ATP6V0A4: variants seen among roughly 807,000 people sequenced by gnomAD.
The protein encoded by ATP6V0A4 is ATPase H+ transporting V0 subunit a4, also known as V-type proton ATPase 116 kDa subunit a 4.
A neutral mutation model predicts 107.3 loss-of-function variants in ATP6V0A4; 86 were observed. The ratio of observed to expected loss-of-function variants is 0.80; its 90% CI spans 0.67 to 0.96. The LOEUF is 0.96. ATP6V0A4 is among the 40% of genes least tolerant of loss of function. The pLI, the probability that ATP6V0A4 is intolerant of heterozygous loss-of-function variation, is 0.00. For synonymous variants in ATP6V0A4, 353 were observed against 381.4 expected, an observed-to-expected ratio of 0.93 and a Z score of 0.87; for missense variants, 908 against 1,045.6, an observed-to-expected ratio of 0.87 and a Z score of 1.81.
Position 138,755,741 on chromosome 7 carries a change from T to C in ATP6V0A4, c.764A>G (p.Glu255Gly), listed in dbSNP as rs1584929673. Reference protein sequence around the residue: ...TVYPCPEPAVERREMLESVNV... With the variant: ...TVYPCPEPAVGRREMLESVNV... ...GACGCTCTCCAACATCTCTCTGCGC[T>C]CCACCGCAGGCTCTGGGCAAGGGTA... The change falls in exon 10 of 22, where the codon GAG becomes GGG. Residue 255 changes from glutamate to glycine, a missense_variant. Physicochemically the swap from Glu to Gly is moderately conservative, Grantham distance 98 (BLOSUM62 -2). Transcript: ENST00000310018. The C allele has an allele frequency of 6.2e-7, 1 of 1,613,852 alleles. No homozygotes were observed. Among genetic ancestry groups the C allele is most frequent in the Non-Finnish European group, 8.5e-7 (1 of 1,180,032 alleles).
At chr7:138,737,763 C>CT (rs35898810) in intron 15 of ATP6V0A4, among the ~76,000 whole-genome samples, 70,070 of 130,824 alleles carry the variant, frequency 0.54, 19,432 homozygotes, top group East Asian at 0.92. Context: ...GGTATTTTTA[C>CT]TTTTTTTTTT....
At chr7:138,709,449 C>T (rs1222213045) in intron 21 of ATP6V0A4, among the ~76,000 whole-genome samples, 175 bp downstream of exon 21, 2 of 151,464 alleles carry the variant, frequency 1.3e-5, no homozygotes, top group African/African-American at 2.4e-5. Flanking sequence ...CATATATATA[C>T]ACATATATTA....
intron 5 of ATP6V0A4, among the ~76,000 whole-genome samples, chr7:138,765,234 C>T (rs546420972): frequency 1.3e-5 from 2 of 152,294 alleles, no homozygotes; most frequent in Admixed American, 1.3e-4. Flanking sequence ...ATCCGCCCAT[C>T]ATCCAGCTTC....
rs1808770214 is a variant in ATP6V0A4 at position 138,798,019 on chromosome 7, T to C, written c.-121+15A>G. On this transcript the variant is annotated intron_variant, in intron 1 of 21. Coordinates refer to ENST00000310018, the MANE Select transcript of ATP6V0A4 (RefSeq NM_020632.3). ...AGAGTTGCTTTCCAGCTCCTGCAGG[T>C]GGGAGTCGACTCACCTGCAGCAGGC... is the stretch of plus-strand genomic sequence containing the variant. 3.2e-6 allele frequency: 5 copies of C among 1,550,592 alleles called. No homozygotes were observed. Among genetic ancestry groups the C allele is most frequent in the Non-Finnish European group, 4.4e-6 (5 of 1,146,844 alleles).
chr7:138,793,365 G>GT (rs1808513817), intron 1 of ATP6V0A4, among the ~76,000 whole-genome samples: 3 of 152,178 alleles, frequency 2.0e-5, no homozygotes, highest in African/African-American at 7.2e-5. Flanking sequence ...CCAGGAAGTT[G>GT]TCAAAATTCC....
rs532670078 is a variant in ATP6V0A4 at position 138,792,036 on chromosome 7, T to C, written c.-120-5776A>G. Among the ~76,000 whole-genome samples, 11 of 152,226 alleles carry C rather than the reference T, an allele frequency of 7.2e-5. No homozygotes were observed. The East Asian group carries it at 9.6e-4, about 13-fold the overall frequency. On this transcript the variant is annotated intron_variant, in intron 1 of 21. Coordinates refer to ENST00000310018, the MANE Select transcript of ATP6V0A4 (RefSeq NM_020632.3). ...AAATCAGGAGTGGATAGGCCAGGTG[T>C]GGTGGCTCACGCCTGTAATCCCAGC... is the stretch of plus-strand genomic sequence containing the variant.
chr7:138,724,725 G>C (rs972242357), intron 18 of ATP6V0A4, among the ~76,000 whole-genome samples: 1 of 152,094 alleles, frequency 6.6e-6, no homozygotes, highest in African/African-American at 2.4e-5. Flanking sequence ...AATATCAAAG[G>C]AGAGATATAT....
chr7:138,794,345 T>C (rs1808555683), intron 1 of ATP6V0A4, among the ~76,000 whole-genome samples: 1 of 151,954 alleles, frequency 6.6e-6, no homozygotes. Flanking sequence ...TTCCCCGAGA[T>C]GGACAGGTGG....
At chr7:138,740,837 G>A (rs1265550416) in intron 14 of ATP6V0A4, among the ~76,000 whole-genome samples, 1 of 151,746 alleles carries the variant, frequency 6.6e-6, no homozygotes, top group Non-Finnish European at 1.5e-5. Context: ...CCCAAGGAAT[G>A]AGCATTTGAA....
At chr7:138,767,945 T>C (rs1396169444) in intron 5 of ATP6V0A4, among the ~76,000 whole-genome samples, 1 of 152,106 alleles carries the variant, frequency 6.6e-6, no homozygotes, top group Non-Finnish European at 1.5e-5. Context: ...TTTGTTTGTT[T>C]GTTTTTGAGA....
chr7:138,756,333 T>G, intron 9 of ATP6V0A4, 125 bp downstream of exon 9: 235 of 1,506,256 alleles, frequency 1.6e-4, no homozygotes, highest in Non-Finnish European at 1.9e-4. Flanking sequence ...GACTTTTATG[T>G]GAGAAAGTTA....
At chr7:138,758,510 A>C (rs954681814) in intron 8 of ATP6V0A4, among the ~76,000 whole-genome samples, 1 of 152,180 alleles carries the variant, frequency 6.6e-6, no homozygotes, top group African/African-American at 2.4e-5. Context: ...GCTCAGAAAT[A>C]AGCCTAGCTT....
chr7:138,796,136 T>C (rs1033199137), intron 1 of ATP6V0A4, among the ~76,000 whole-genome samples: 7 of 152,180 alleles, frequency 4.6e-5, no homozygotes, highest in African/African-American at 1.7e-4. Flanking sequence ...ACAGCATTTG[T>C]TCTACTAAGC....
rs770836899 is a variant in ATP6V0A4, at chr7:138,759,762, T to A, written c.629A>T (p.Asp210Val). ...KFSEMDAPLE[D>V]PVTKEEIQKN... is the part of the protein sequence containing the mutation. ...GCCCAAGGTTCCCACCGTCACAGGATCCTCCAGAGGGGCGTCCATCTCACT... is the reference window on the plus strand; with the variant it reads ...GCCCAAGGTTCCCACCGTCACAGGAACCTCCAGAGGGGCGTCCATCTCACT... The change falls in exon 8 of 22, where the codon GAT becomes GTT. Residue 210 changes from aspartate (D) to valine (V), a missense_variant. Asp to Val is a radical substitution (Grantham distance 152). Transcript: ENST00000310018. 1 of 1,614,106 alleles carries A rather than the reference T, an allele frequency of 6.2e-7. No individual in the cohort carries two copies. Among genetic ancestry groups the A allele is most frequent in the Non-Finnish European group, 8.5e-7 (1 of 1,180,028 alleles).
At chr7:138,779,068 C>T (rs911075687) in intron 2 of ATP6V0A4, among the ~76,000 whole-genome samples, 1 of 152,140 alleles carries the variant, frequency 6.6e-6, no homozygotes, top group African/African-American at 2.4e-5. Flanking sequence ...GGGCCAGGAG[C>T]GATGGCTTGA....
At chr7:138,751,634 G>A (rs560793238) in intron 11 of ATP6V0A4, among the ~76,000 whole-genome samples, 1 of 151,940 alleles carries the variant, frequency 6.6e-6, no homozygotes, top group South Asian at 2.1e-4. Context: ...TGGCCTGCCA[G>A]TGTGTAAGCC....
chr7:138,740,329 T>C (rs1805562333), intron 14 of ATP6V0A4, among the ~76,000 whole-genome samples: 2 of 151,936 alleles, frequency 1.3e-5, no homozygotes, highest in Admixed American at 6.6e-5. Flanking sequence ...TCAACTGCTA[T>C]GAAACTTAAC....
chr7:138,749,561 C>T lies in ATP6V0A4; in HGVS notation c.1030-244G>A, dbSNP rs145191180. On this transcript the variant is annotated intron_variant, in intron 11 of 21. Coordinates refer to ENST00000310018, the MANE Select transcript of ATP6V0A4 (RefSeq NM_020632.3). ...CCCTCTGGAGTCTCTGACAATCTCC[C>T]GTCTCCTACTGCTGTAAATGCGAAT... is the stretch of plus-strand genomic sequence containing the variant. Among the ~76,000 whole-genome samples the T allele has an allele frequency of 2.5e-3, 374 of 152,266 alleles. 1 individual carries two copies. Among genetic ancestry groups the T allele is most frequent in the African/African-American group, 8.5e-3 (355 of 41,568 alleles).
chr7:138,716,989 G>A (rs746190038), intron 19 of ATP6V0A4, among the ~76,000 whole-genome samples: 5 of 152,168 alleles, frequency 3.3e-5, no homozygotes, highest in East Asian at 1.9e-4. Flanking sequence ...CAGTGGTATC[G>A]TGGGAACACA....
Sources: gnomAD v4.1 joint callset for allele counts (sites outside exome capture counted in the v4.1 genomes callset) on GRCh38, gnomAD v4.1.1 for gene constraint, MANE v1.5 for transcripts, NCBI Gene and HGNC (gene_info 2026-07-23, HGNC 2026-07-21) for gene names.